ENPP2: variants seen among roughly 807,000 people sequenced by gnomAD.
The protein encoded by ENPP2 is ectonucleotide pyrophosphatase/phosphodiesterase 2.
A neutral mutation model predicts 120.2 loss-of-function variants in ENPP2; 51 were observed. The ratio of observed to expected loss-of-function variants is 0.42; its 90% confidence interval spans 0.34 to 0.54. ENPP2 has a LOEUF of 0.54. ENPP2 is among the 20% of genes least tolerant of loss of function. The pLI is 0.04. For missense variants in ENPP2, 920 were observed against 1,066.5 expected, an observed-to-expected ratio of 0.86 and a Z score of 1.91; for synonymous variants, 365 against 366.4, an observed-to-expected ratio of 1.00 and a Z score of 0.04.
intron 8 of ENPP2, among the ~76,000 whole-genome samples, chr8:119,612,757 G>A (rs892755160): frequency 6.6e-5 from 10 of 152,178 alleles, no homozygotes; most frequent in Admixed American, 6.5e-5. Context: ...AGGCATGGTA[G>A]TGTGTGCCTA....
At chr8:119,642,272 TTTTA>T (rs1817306474), upstream of ENPP2, among the ~76,000 whole-genome samples, 1 of 152,220 alleles carries the variant, frequency 6.6e-6, no homozygotes. Context: ...TAGTAAATTT[TTTTA>T]TTTAAGTTAG....
chr8:119,561,552 T>C (rs1217919461), intron 24 of ENPP2, among the ~76,000 whole-genome samples: 1 of 152,146 alleles, frequency 6.6e-6, no homozygotes, highest in Non-Finnish European at 1.5e-5. Context: ...CTGAAGGTTT[T>C]TCCATCTGTC....
chr8:119,562,144 A>T (rs1814013641), intron 24 of ENPP2, among the ~76,000 whole-genome samples: 1 of 149,120 alleles, frequency 6.7e-6, no homozygotes, highest in Admixed American at 6.8e-5. Flanking sequence ...CTCAAAAAAA[A>T]AAAAGTTTTC....
At chr8:119,613,056 A>G (rs960085750) in intron 8 of ENPP2, among the ~76,000 whole-genome samples, 2 of 152,150 alleles carry the variant, frequency 1.3e-5, no homozygotes, top group Admixed American at 6.5e-5. Context: ...CATTCCTCCC[A>G]TTGCTGAGAA....
In ENPP2 at chr8:119,587,056, A is replaced by C; in HGVS notation, c.1227T>G (p.Ile409Met). ...TGGAAACACTTACCGTGAGATTGGC[A>C]ATAATGGCTTTGGGGTCATCTGTTC... ...NNAKYDPKAI[I>M]ANLTCKKPDQ... The change falls in exon 14 of 25, where the codon ATT becomes ATG. Residue 409 changes from isoleucine to methionine, a missense_variant. Transcript: ENST00000075322. 1 of 1,609,476 alleles carries C rather than the reference A, an allele frequency of 6.2e-7. No individual in the cohort carries two copies. Among genetic ancestry groups the C allele is most frequent in the Non-Finnish European group, 8.5e-7 (1 of 1,178,368 alleles).
chr8:119,570,873 T>A (rs1468417384), intron 19 of ENPP2, 32 bp from the exon 20 acceptor site: 2 of 1,432,798 alleles, frequency 1.4e-6, no homozygotes, highest in Non-Finnish European at 1.9e-6. Flanking sequence ...CTGTGTTAGG[T>A]GCATATTAAA....
At position 119,583,991 on chromosome 8, in the gene ENPP2, C is replaced by T. The variant is rs1307029342; in HGVS notation, c.1426G>A (p.Gly476Arg). The T allele has an allele frequency of 8.1e-6, 13 of 1,613,600 alleles. No individual in the cohort carries two copies. The highest frequency in any genetic ancestry group is 1.6e-4 in the Middle Eastern group (1 of 6,084). ...ATGCTGTTGACCTTGTTATCAAATC[C>T]GTGGTCTCCCTGGAAAAAGCATTTT... ...SGKCFFQGDH[G>R]FDNKVNSMQT... Residue 476 changes from glycine to arginine, a missense_variant, in exon 16 of 25, where the codon GGA becomes AGA. Physicochemically the swap from Gly to Arg is moderately radical, Grantham distance 125 (BLOSUM62 -2). Coordinates refer to ENST00000075322, the MANE Select transcript of ENPP2 (RefSeq NM_001040092.3).
Position 119,607,958 on chromosome 8 carries a change from T to C in ENPP2, c.797A>G (p.Lys266Arg). ...GAATGTTCCAGCTTTCACCCCTTGC[T>C]TGGTGGCTGTAATCCATAGCTAATG... ...GGQPLWITATKQGVKAGTFFW... is the reference protein window; with the variant it reads ...GGQPLWITATRQGVKAGTFFW... Residue 266 changes from lysine (K) to arginine (R), a missense_variant, in exon 9 of 25, where the codon AAG becomes AGG. Coordinates refer to ENST00000075322, the MANE Select transcript of ENPP2 (RefSeq NM_001040092.3). 6.2e-7 allele frequency: 1 copy of C among 1,610,858 alleles called. No homozygotes were observed. Among genetic ancestry groups the C allele is most frequent in the South Asian group, 1.1e-5 (1 of 90,438 alleles).
intron 19 of ENPP2, chr8:119,572,255 A>G: frequency 6.5e-7 from 1 of 1,547,078 alleles, no homozygotes. Flanking sequence ...TTTCAGCTGG[A>G]AGCAGAAGTA....
intron 18 of ENPP2, 179 bp from the exon 19 acceptor site, chr8:119,580,346 C>T (rs1563689521): frequency 1.6e-6 from 1 of 629,390 alleles, no homozygotes; most frequent in Non-Finnish European, 2.9e-6. Flanking sequence ...TTCTGGGCTC[C>T]ACCTCTAGCA....
chr8:119,653,132 T>C (rs1218755662), intron 1 of ENPP2, among the ~76,000 whole-genome samples: 1 of 152,200 alleles, frequency 6.6e-6, no homozygotes, highest in African/African-American at 2.4e-5. Flanking sequence ...TGTTCACCTC[T>C]GGATAGCTCG....
At position 119,638,728 on chromosome 8, in the gene ENPP2, T is replaced by A; in HGVS notation, c.33+20A>T. 7.1e-7 allele frequency: 1 copy of A among 1,417,044 alleles called. No homozygotes were observed. The highest frequency in any genetic ancestry group is 1.0e-6 in the Non-Finnish European group (1 of 999,812). The allele number at this position is 1,417,044 out of a possible 1,614,324, so 87.8% of individuals were successfully genotyped here. ...TTCTGAAGATCAAGCATGTCCCCCG[T>A]CATTCCTCCGTTCTCCCACCTGACA... On this transcript the variant is annotated intron_variant, in intron 1 of 24. Transcript: ENST00000075322.
chr8:119,586,335 G>C (rs375782509), intron 14 of ENPP2, 22 bp from the exon 15 acceptor site: 53 of 1,611,072 alleles, frequency 3.3e-5, no homozygotes, highest in Non-Finnish European at 4.2e-5. Flanking sequence ...ATGGAAATCA[G>C]ACTTCAGATG....
At chr8:119,621,245 A>G in intron 4 of ENPP2, 149 bp downstream of exon 4, 1 of 627,422 alleles carries the variant, frequency 1.6e-6, no homozygotes, top group African/African-American at 1.8e-5. Context: ...AGCAAAACTA[A>G]TGAAGAAGCA....
chr8:119,573,476 C>T (rs929845424), intron 19 of ENPP2, among the ~76,000 whole-genome samples: 1 of 148,768 alleles, frequency 6.7e-6, no homozygotes, highest in African/African-American at 2.5e-5. Context: ...TCCATCTCTA[C>T]TCACTCTACT....
chr8:119,584,488 C>T, intron 15 of ENPP2, among the ~76,000 whole-genome samples: 1 of 152,162 alleles, frequency 6.6e-6, no homozygotes, highest in Non-Finnish European at 1.5e-5. Flanking sequence ...CTATTATATA[C>T]CCATAATAAT....
chr8:119,578,011 C>A (rs574636051), intron 19 of ENPP2, among the ~76,000 whole-genome samples: 2 of 152,018 alleles, frequency 1.3e-5, no homozygotes, highest in African/African-American at 2.4e-5. Context: ...TATTTTTATG[C>A]TCTTAAGTTT....
At chr8:119,671,132 C>CA (rs371191607) in intron 1 of ENPP2, among the ~76,000 whole-genome samples, 78,242 of 115,126 alleles carry the variant, frequency 0.68, 26,937 homozygotes, top group East Asian at 0.92. Context: ...ACTAAAAATA[C>CA]AAAAAAAAAA....
chr8:119,594,099 TA>T (rs986420944), intron 11 of ENPP2, among the ~76,000 whole-genome samples: 65 of 152,292 alleles, frequency 4.3e-4, no homozygotes, highest in African/African-American at 1.5e-3. Context: ...TTCTTTGATA[TA>T]AAAATGTCAA....
Sources: allele counts gnomAD v4.1 joint callset (sites outside exome capture counted in the v4.1 genomes callset), GRCh38; gene constraint gnomAD v4.1.1; transcripts MANE v1.5; gene names NCBI Gene and HGNC (gene_info 2026-07-23, HGNC 2026-07-21).